The following UNC13C variants were observed in gnomAD, a reference collection of about 807,000 sequenced individuals.
The protein encoded by UNC13C is protein unc-13 homolog C.
UNC13C carries 174 observed loss-of-function variants against 245.4 expected under a neutral mutation model. The ratio of observed to expected loss-of-function variants is 0.71; its 90% CI spans 0.63 to 0.80. UNC13C has a LOEUF of 0.80. Ranked by LOEUF, UNC13C falls within the 30% of genes least tolerant of loss-of-function variation. The probability of loss-of-function intolerance (pLI) is 0.00; values close to 1 mark genes in which losing one functional copy is unlikely to be tolerated. For missense variants in UNC13C, 2,829 were observed against 2,602.9 expected, an observed-to-expected ratio of 1.09 and a Z score of -1.89; for synonymous variants, 992 against 895.1, an observed-to-expected ratio of 1.11 and a Z score of -1.93.
chr15:54,541,200 A>T (rs1896227364), intron 26 of UNC13C, among the ~76,000 whole-genome samples: 1 of 152,104 alleles, frequency 6.6e-6, no homozygotes, highest in Admixed American at 6.6e-5. Flanking sequence ...ATACTTTAAC[A>T]TAAAAATGTG....
intron 30 of UNC13C, among the ~76,000 whole-genome samples, chr15:54,581,945 C>T (rs772949072): frequency 6.6e-6 from 1 of 151,784 alleles, no homozygotes; most frequent in Non-Finnish European, 1.5e-5. Context: ...TGGTCTTAGT[C>T]AGTGGGAGAC....
intron 19 of UNC13C, among the ~76,000 whole-genome samples, chr15:54,451,462 A>C (rs12914952): frequency 1.4e-4 from 21 of 151,762 alleles, no homozygotes; most frequent in African/African-American, 4.8e-4. Flanking sequence ...CTTTGTTTCA[A>C]CTCTTTTTAA....
Position 54,532,950 on chromosome 15 carries a change from G to C in UNC13C, c.5580G>C (p.Gln1860His). Residue 1860 changes from glutamine to histidine, a missense_variant, in exon 26 of 33, where the codon CAG becomes CAC. By Grantham distance (24) the Gln-to-His change is conservative (BLOSUM62 0). Transcript: ENST00000260323. ...FQVIIEECIK[Q>H]MSFELNQMRA... The stretch of plus-strand genomic sequence containing the variant: ...TTATAATTGAAGAGTGTATAAAACA[G>C]ATGAGTTTCGAACTAAATCAAATGA... The C allele has an allele frequency of 1.9e-6, 3 of 1,581,748 alleles. No individual in the cohort carries two copies. Among genetic ancestry groups the C allele is most frequent in the Non-Finnish European group, 2.6e-6 (3 of 1,157,794 alleles).
intron 2 of UNC13C, among the ~76,000 whole-genome samples, chr15:54,076,389 G>A (rs1898626903): frequency 6.6e-6 from 1 of 151,274 alleles, no homozygotes; most frequent in Admixed American, 6.6e-5. Flanking sequence ...ATAGTTTACT[G>A]AGAATGATGG....
chr15:54,555,366 G>T (rs988971651), intron 28 of UNC13C, 66 bp from the exon 29 acceptor site: 2 of 1,325,342 alleles, frequency 1.5e-6, no homozygotes, highest in African/African-American at 1.4e-5. Flanking sequence ...TACAGATTAT[G>T]TTTTCAAGTA....
At chr15:53,923,961 C>A in the UNC13C span, among the ~76,000 whole-genome samples, 2 of 152,196 alleles carry the variant, frequency 1.3e-5, no homozygotes, top group African/African-American at 2.4e-5. Flanking sequence ...AATCCCAGCA[C>A]TTTGGGAGGC....
Position 54,127,783 on chromosome 15 carries a change from T to G in UNC13C, c.2984-15235T>G, listed in dbSNP as rs893937509. ...TTATGTATAATATAAAATAATATAT[T>G]TAATATAATATATAATATTTAATAT... On this transcript the variant is annotated intron_variant, in intron 2 of 32. Coordinates refer to ENST00000260323, the MANE Select transcript of UNC13C (RefSeq NM_001080534.3). Among the ~76,000 whole-genome samples, 13 of 144,724 alleles carry G rather than the reference T, an allele frequency of 9.0e-5. No individual in the cohort carries two copies. The South Asian group carries it at 2.6e-3, about 29-fold the overall frequency. 94.9% of individuals were successfully genotyped at this position (144,724 alleles called of 152,430 possible).
intron 30 of UNC13C, among the ~76,000 whole-genome samples, chr15:54,607,764 A>G (rs909947941): frequency 5.9e-5 from 9 of 152,092 alleles, no homozygotes; most frequent in Admixed American, 4.6e-4. Context: ...GGGAGGTGCT[A>G]CACACTTTTA....
chr15:54,570,047 T>C (rs1223559029), intron 30 of UNC13C, among the ~76,000 whole-genome samples: 1 of 152,118 alleles, frequency 6.6e-6, no homozygotes, highest in African/African-American at 2.4e-5. Context: ...TATTCCTCAG[T>C]GTTTTGGGGA....
At chr15:54,123,915 C>A (rs1379555363) in intron 2 of UNC13C, among the ~76,000 whole-genome samples, 1 of 152,138 alleles carries the variant, frequency 6.6e-6, no homozygotes, top group Non-Finnish European at 1.5e-5. Flanking sequence ...ATAATTTTGT[C>A]ATTCCATGAC....
At chr15:53,929,043 G>T in the UNC13C span, among the ~76,000 whole-genome samples, 6 of 152,284 alleles carry the variant, frequency 3.9e-5, no homozygotes, top group Admixed American at 3.9e-4. Context: ...ACATACCTAA[G>T]ACTGGGTAAT....
the UNC13C span, among the ~76,000 whole-genome samples, chr15:53,936,055 A>G: frequency 6.6e-6 from 1 of 152,148 alleles, no homozygotes; most frequent in African/African-American, 2.4e-5. Context: ...CTCCCGTGGC[A>G]CCTCACAAGT....
intron 4 of UNC13C, among the ~76,000 whole-genome samples, chr15:54,201,889 T>C (rs778556277): frequency 1.3e-5 from 2 of 152,104 alleles, no homozygotes; most frequent in East Asian, 3.9e-4. Flanking sequence ...TATTTGCTGA[T>C]GATGTGATTG....
At chr15:54,047,230 T>G (rs919837707) in intron 2 of UNC13C, among the ~76,000 whole-genome samples, 1 of 152,098 alleles carries the variant, frequency 6.6e-6, no homozygotes, top group South Asian at 2.1e-4. Flanking sequence ...TTACCCATTT[T>G]AGGTACATTT....
At chr15:54,148,692 A>G (rs1030032062) in intron 4 of UNC13C, among the ~76,000 whole-genome samples, 1 of 152,122 alleles carries the variant, frequency 6.6e-6, no homozygotes, top group African/African-American at 2.4e-5. Flanking sequence ...AGTTCTTCCT[A>G]TCAAGTCCAC....
chr15:54,217,086 A>G (rs1377447986), intron 4 of UNC13C, among the ~76,000 whole-genome samples: 2 of 152,022 alleles, frequency 1.3e-5, no homozygotes, highest in African/African-American at 4.8e-5. Context: ...GAGAGTCTGG[A>G]ACAATTAGTA....
At chr15:53,935,229 A>C in the UNC13C span, among the ~76,000 whole-genome samples, 1 of 151,856 alleles carries the variant, frequency 6.6e-6, no homozygotes, top group East Asian at 1.9e-4. Context: ...GTTGCTTACC[A>C]CTGAGAACAC....
At chr15:54,192,118 C>A (rs958562821) in intron 4 of UNC13C, among the ~76,000 whole-genome samples, 2 of 152,070 alleles carry the variant, frequency 1.3e-5, no homozygotes, top group Non-Finnish European at 1.5e-5. Context: ...TTTGCCCATG[C>A]CTATGTCCTG....
chr15:54,160,862 T>C (rs2032945889), intron 4 of UNC13C, among the ~76,000 whole-genome samples: 1 of 152,200 alleles, frequency 6.6e-6, no homozygotes. Flanking sequence ...AATATATTTC[T>C]GATAATTAGT....
Sources: allele counts gnomAD v4.1 joint callset (sites outside exome capture counted in the v4.1 genomes callset), GRCh38; gene constraint gnomAD v4.1.1; transcripts MANE v1.5; gene names NCBI Gene and HGNC (gene_info 2026-07-23, HGNC 2026-07-21).